NEK6: variants seen among roughly 807,000 people sequenced by gnomAD.
The protein encoded by NEK6 is NIMA related kinase 6, also known as serine/threonine-protein kinase Nek6.
NEK6 carries 27 observed loss-of-function variants against 43.5 expected under a neutral mutation model. The observed-to-expected ratio is 0.62, with a 90% CI of 0.46 to 0.86. The LOEUF (loss-of-function observed/expected upper bound fraction) is 0.86, where lower values mean the gene tolerates loss of function less well. Among genes scored for constraint, NEK6 ranks in the 40% least tolerant of loss-of-function variants. The pLI is 0.00. For synonymous variants in NEK6, 167 were observed against 164.1 expected, an observed-to-expected ratio of 1.02 and a Z score of -0.14; for missense variants, 318 against 414.4, an observed-to-expected ratio of 0.77 and a Z score of 2.02.
chr9:124,332,797 G>T (rs570962003), intron 7 of NEK6, among the ~76,000 whole-genome samples: 26 of 152,256 alleles, frequency 1.7e-4, no homozygotes, highest in Middle Eastern at 3.4e-3. Context: ...TTCAGATCCC[G>T]CATTCTCCTC....
At chr9:124,296,719 C>G (rs903019780) in intron 1 of NEK6, among the ~76,000 whole-genome samples, 5 of 152,236 alleles carry the variant, frequency 3.3e-5, no homozygotes, top group Admixed American at 1.3e-4. Flanking sequence ...GGTCCTTGGA[C>G]AGAGCCCTCC....
chr9:124,321,213 G>C (rs1275092544), intron 4 of NEK6, among the ~76,000 whole-genome samples: 1 of 152,238 alleles, frequency 6.6e-6, no homozygotes, highest in Admixed American at 6.5e-5. Flanking sequence ...TCACAACTAT[G>C]CTTCAAAACA....
intron 1 of NEK6, among the ~76,000 whole-genome samples, chr9:124,295,934 A>G (rs1026620513): frequency 6.6e-6 from 1 of 152,240 alleles, no homozygotes; most frequent in African/African-American, 2.4e-5. Flanking sequence ...TTCCTCATCA[A>G]CAAAACAAGG....
At chr9:124,330,681 A>G (rs1427369180) in intron 7 of NEK6, among the ~76,000 whole-genome samples, 1 of 152,142 alleles carries the variant, frequency 6.6e-6, no homozygotes, top group Admixed American at 6.5e-5. Flanking sequence ...CCTTGAGCAA[A>G]CTGCCTGGCC....
At chr9:124,311,481 C>T (rs1347863350) in intron 2 of NEK6, among the ~76,000 whole-genome samples, 1 of 152,172 alleles carries the variant, frequency 6.6e-6, no homozygotes, top group Non-Finnish European at 1.5e-5. Context: ...GTTGGCGCCC[C>T]CTCCTGCCTT....
In NEK6 at chr9:124,343,383, T is replaced by A. The variant is rs2131068773; in HGVS notation, c.717+3718T>A. On this transcript the variant is annotated intron_variant, in intron 8 of 9. Coordinates refer to ENST00000320246, the MANE Select transcript of NEK6 (RefSeq NM_014397.6). This position sits in a 1 kb window ranked among gnomAD's most constrained non-coding sequence, Gnocchi z 5.1. ...GTAGGAAGTGAATGAAACACAGCAG[T>A]CAAGCCCTGAGGGGATTAGCGTCCT... Among the ~76,000 whole-genome samples, 1 of 151,958 alleles carries A rather than the reference T, an allele frequency of 6.6e-6. No individual in the cohort carries two copies. The highest frequency in any genetic ancestry group is 6.5e-5 in the Admixed American group (1 of 15,278).
intron 7 of NEK6, among the ~76,000 whole-genome samples, chr9:124,328,091 G>A (rs933458298): frequency 1.1e-4 from 17 of 152,166 alleles, no homozygotes; most frequent in African/African-American, 3.9e-4. Flanking sequence ...CCTATGGGTC[G>A]GGGGGTGCTG....
Position 124,326,202 on chromosome 9 carries a change from T to TACCCCC in NEK6, c.406-128_406-127insACCCCC. ...GCTTATTGTTTGCTCAGTGGCTCAA[T>TACCCCC]CCCCCCCCCCCGCCCCTGCCAGGCA... is the stretch of plus-strand genomic sequence containing the variant. On this transcript the variant is annotated intron_variant, in intron 5 of 9. Coordinates refer to ENST00000320246, the MANE Select transcript of NEK6 (RefSeq NM_014397.6). The surrounding 1 kb of genome is among the most constrained non-coding windows in gnomAD (Gnocchi z 4.5). 1 of 124,052 alleles carries TACCCCC rather than the reference T, an allele frequency of 8.1e-6. No individual in the cohort carries two copies. The highest frequency in any genetic ancestry group is 2.0e-5 in the Non-Finnish European group (1 of 50,618). 7.7% of individuals were successfully genotyped at this position (124,052 alleles called of 1,614,324 possible).
At chr9:124,334,467 G>T (rs1457977130) in intron 7 of NEK6, among the ~76,000 whole-genome samples, 1 of 152,260 alleles carries the variant, frequency 6.6e-6, no homozygotes, top group African/African-American at 2.4e-5. Context: ...GCAGAGGAAT[G>T]AGGTGAAGAG....
At chr9:124,294,921 G>A (rs1159348460) in intron 1 of NEK6, among the ~76,000 whole-genome samples, 6 of 152,206 alleles carry the variant, frequency 3.9e-5, no homozygotes, top group African/African-American at 1.4e-4. Context: ...CAGAGTGGAG[G>A]CCCTGGGGTG....
rs147462909 is a variant in NEK6 at position 124,291,691 on chromosome 9, A to G, written c.-29-10245A>G. 3.9e-4 allele frequency: 100 copies of G among 254,762 alleles called. 1 individual carries two copies. In the East Asian group the frequency reaches 0.014, roughly 35 times the overall value. The allele number at this position is 254,762 out of a possible 1,614,324, so 15.8% of individuals were successfully genotyped here. ...GCTTTTCAGCATTTTGCTGGGCCCCAGTGTGGATAGGTGGGGAGCGAGCAC... is the reference window on the plus strand; with the variant it reads ...GCTTTTCAGCATTTTGCTGGGCCCCGGTGTGGATAGGTGGGGAGCGAGCAC... On this transcript the variant is annotated intron_variant, in intron 1 of 9. Coordinates refer to ENST00000320246, the MANE Select transcript of NEK6 (RefSeq NM_014397.6).
At chr9:124,321,023 A>G (rs536271122) in intron 4 of NEK6, among the ~76,000 whole-genome samples, 2 of 152,300 alleles carry the variant, frequency 1.3e-5, no homozygotes, top group Admixed American at 1.3e-4. Context: ...CCTTCTGAGG[A>G]GCACCTGCAG....
intron 1 of NEK6, chr9:124,291,778 C>G (rs993342323): frequency 1.0e-6 from 1 of 977,088 alleles, no homozygotes; most frequent in Non-Finnish European, 1.2e-6. Context: ...TCGGGTGGTG[C>G]TGCCATCAGA....
intron 7 of NEK6, among the ~76,000 whole-genome samples, chr9:124,338,098 A>G (rs545965278): frequency 6.6e-6 from 1 of 152,284 alleles, no homozygotes; most frequent in Admixed American, 6.5e-5. Flanking sequence ...CTTCTGCCTC[A>G]GCCTCCTGAG....
intron 1 of NEK6, among the ~76,000 whole-genome samples, chr9:124,298,799 A>G (rs1832820612): frequency 6.6e-6 from 1 of 152,190 alleles, no homozygotes; most frequent in South Asian, 2.1e-4. Context: ...ATGGGACCAT[A>G]ATAGACCTTA....
chr9:124,313,680 G>T (rs1055840533), intron 3 of NEK6, among the ~76,000 whole-genome samples: 1 of 152,146 alleles, frequency 6.6e-6, no homozygotes, highest in Non-Finnish European at 1.5e-5. Context: ...CATCTTCTGG[G>T]GAGGGGCTCA....
intron 1 of NEK6, among the ~76,000 whole-genome samples, chr9:124,295,144 C>T (rs776899299): frequency 1.3e-5 from 2 of 152,250 alleles, no homozygotes; most frequent in Non-Finnish European, 2.9e-5. Context: ...GTCTGCATGG[C>T]CACCTTCCAG....
chr9:124,318,522 CCCCTGCA>C (rs2130897492), intron 4 of NEK6, among the ~76,000 whole-genome samples: 1 of 152,276 alleles, frequency 6.6e-6, no homozygotes, highest in East Asian at 1.9e-4. Flanking sequence ...TAGGCATGAG[CCCCTGCA>C]CCCAGCCTAT....
chr9:124,266,523 A>G (rs574188330), intron 1 of NEK6, among the ~76,000 whole-genome samples: 1 of 152,324 alleles, frequency 6.6e-6, no homozygotes, highest in South Asian at 2.1e-4. Flanking sequence ...GAGGGCCCCC[A>G]GGCAGCTGGA....
Sources: allele counts gnomAD v4.1 joint callset (sites outside exome capture counted in the v4.1 genomes callset), GRCh38; gene constraint gnomAD v4.1.1; non-coding constraint Gnocchi (gnomAD v3.1); transcripts MANE v1.5; gene names NCBI Gene and HGNC (gene_info 2026-07-23, HGNC 2026-07-21).